TGS1: variants seen among roughly 807,000 people sequenced by gnomAD.
TGS1 encodes the protein trimethylguanosine synthase.
In TGS1, 69 loss-of-function variants were observed where a neutral mutation model predicts 92.2. The ratio of observed to expected loss-of-function variants is 0.75; its 90% CI spans 0.62 to 0.91. The LOEUF (loss-of-function observed/expected upper bound fraction) is 0.91, where lower values mean the gene tolerates loss of function less well. TGS1 is among the 40% of genes least tolerant of loss of function. The pLI, the probability that TGS1 is intolerant of heterozygous loss-of-function variation, is 0.00. For synonymous variants in TGS1, 345 were observed against 338.1 expected (o/e 1.02, Z -0.22); for missense variants, 1,062 against 1,001.2 (o/e 1.06, Z -0.82).
chr8:55,792,833 A>C, intron 6 of TGS1, 49 bp downstream of exon 6: 1 of 1,251,938 alleles, frequency 8.0e-7, no homozygotes. Flanking sequence ...AACCACTTCA[A>C]CTATCTTAGA....
At chr8:55,803,416 T>C (rs1356915323) in intron 9 of TGS1, among the ~76,000 whole-genome samples, 6 of 152,208 alleles carry the variant, frequency 3.9e-5, no homozygotes, top group African/African-American at 1.2e-4. Context: ...TTATTAACTA[T>C]CAAAATCAGA....
intron 3 of TGS1, 71 bp from the exon 4 acceptor site, chr8:55,786,167 T>C: frequency 1.1e-6 from 1 of 910,210 alleles, no homozygotes; most frequent in Non-Finnish European, 1.6e-6. Context: ...AATGTCAAAA[T>C]AGACTTGGAT....
At position 55,773,728 on chromosome 8, in the gene TGS1, A is replaced by G; in HGVS notation, c.101+9A>G. ...TCCAGGGCATTTGTGGAGTAAGTAGAAAAGAGAATCTCTTCATGTTCTAGC... is the reference window on the plus strand; with the variant it reads ...TCCAGGGCATTTGTGGAGTAAGTAGGAAAGAGAATCTCTTCATGTTCTAGC... On this transcript the variant is annotated intron_variant, in intron 1 of 12. Transcript: ENST00000260129. 1 of 1,599,938 alleles carries G rather than the reference A, an allele frequency of 6.3e-7. No homozygotes were observed. Among genetic ancestry groups the G allele is most frequent in the African/African-American group, 1.3e-5 (1 of 74,772 alleles).
At chr8:55,824,319 G>A (rs958971011) in intron 12 of TGS1, among the ~76,000 whole-genome samples, 3 of 152,132 alleles carry the variant, frequency 2.0e-5, no homozygotes, top group African/African-American at 7.2e-5. Context: ...CTTTAGCTAT[G>A]GCATTGGAGA....
chr8:55,786,405 T>C lies in TGS1; in HGVS notation c.507T>C (p.Tyr169=), dbSNP rs139445119. The change falls in exon 4 of 13, where the codon TAT becomes TAC. Residue 169 remains tyrosine, a synonymous_variant. Coordinates refer to ENST00000260129, the MANE Select transcript of TGS1 (RefSeq NM_024831.8). ...SIEQYENTRT[Y]ELQSKKDTET... is the part of the protein sequence containing the mutation. ...AACAGTATGAGAACACCAGAACATA[T>C]GAACTTCAAAGCAAAAAAGATACTG... is the stretch of plus-strand genomic sequence containing the variant. 84 of 1,613,590 alleles carry C rather than the reference T, an allele frequency of 5.2e-5. No individual in the cohort carries two copies. The East Asian group carries it at 7.6e-4, about 15-fold the overall frequency.
At chr8:55,774,618 C>T (rs1811329172) in intron 1 of TGS1, among the ~76,000 whole-genome samples, 1 of 152,040 alleles carries the variant, frequency 6.6e-6, no homozygotes, top group Non-Finnish European at 1.5e-5. Flanking sequence ...GTTTTTTGTG[C>T]TCTTGTATAT....
chr8:55,806,224 C>A (rs560880601), intron 10 of TGS1, among the ~76,000 whole-genome samples: 1 of 149,088 alleles, frequency 6.7e-6, no homozygotes, highest in African/African-American at 2.5e-5. Flanking sequence ...GGCATGGTAG[C>A]GTGTGCCTGT....
At chr8:55,784,347 G>A (rs910548886) in intron 2 of TGS1, among the ~76,000 whole-genome samples, 2 of 152,032 alleles carry the variant, frequency 1.3e-5, no homozygotes, top group African/African-American at 4.8e-5. Context: ...CCAGTTTAGG[G>A]GATTTCAAAC....
Position 55,802,572 on chromosome 8 carries a change from C to T in TGS1, c.1965C>T (p.Phe655=). The change falls in exon 9 of 13, where the codon TTC becomes TTT. Residue 655 remains phenylalanine, a synonymous_variant. Coordinates refer to ENST00000260129, the MANE Select transcript of TGS1 (RefSeq NM_024831.8). ...ACTGGGCCCAGAGGTACAGGCTCTT[C>T]TCCCGTTTTGATGATGGGATTAAGT... ...AKYWAQRYRL[F]SRFDDGIKLD... 1 of 1,613,780 alleles carries T rather than the reference C, an allele frequency of 6.2e-7. No homozygotes were observed. Among genetic ancestry groups the T allele is most frequent in the Admixed American group, 1.7e-5 (1 of 59,952 alleles).
intron 2 of TGS1, among the ~76,000 whole-genome samples, chr8:55,784,055 A>C (rs1811643217): frequency 1.3e-5 from 2 of 152,104 alleles, no homozygotes; most frequent in African/African-American, 4.8e-5. Flanking sequence ...CACACAAGAG[A>C]TTTCTCTTTA....
chr8:55,790,433 G>A (rs139371971), intron 5 of TGS1, 134 bp downstream of exon 5: 2 of 644,880 alleles, frequency 3.1e-6, no homozygotes, highest in African/African-American at 1.8e-5. Flanking sequence ...CTACTGGTAA[G>A]ATTCTGAGCC....
At chr8:55,802,921 C>G (rs535086167) in intron 9 of TGS1, among the ~76,000 whole-genome samples, 2 of 151,952 alleles carry the variant, frequency 1.3e-5, no homozygotes, top group Admixed American at 1.3e-4. Flanking sequence ...ACAGTTTATA[C>G]TCTAATTTCA....
chr8:55,783,010 C>G (rs1585756575), intron 2 of TGS1, among the ~76,000 whole-genome samples, 198 bp downstream of exon 2: 1 of 152,096 alleles, frequency 6.6e-6, no homozygotes, highest in Non-Finnish European at 1.5e-5. Flanking sequence ...TTTTATTTTT[C>G]TATAGCTCCT....
chr8:55,802,907 A>G (rs760629352), intron 9 of TGS1, among the ~76,000 whole-genome samples: 1 of 152,036 alleles, frequency 6.6e-6, no homozygotes, highest in Non-Finnish European at 1.5e-5. Context: ...CAATATTTTA[A>G]TCTACAGTTT....
At position 55,824,975 on chromosome 8, in the gene TGS1, G is replaced by T. The variant is rs1017577568; in HGVS notation, c.*272G>T. 3.3e-6 allele frequency: 1 copy of T among 305,602 alleles called. No homozygotes were observed. Among genetic ancestry groups the T allele is most frequent in the Non-Finnish European group, 6.2e-6 (1 of 162,558 alleles). 18.9% of individuals were successfully genotyped at this position (305,602 alleles called of 1,614,324 possible). ...TCACTTTTACCGCCCAGGCTGGAGT[G>T]CAGTGCCATGATCACAGCTCACTGC... On this transcript the variant is annotated 3_prime_UTR_variant, in exon 13 of 13. Transcript: ENST00000260129.
intron 1 of TGS1, among the ~76,000 whole-genome samples, chr8:55,778,416 A>G (rs766104670): frequency 6.6e-6 from 1 of 152,222 alleles, no homozygotes; most frequent in Non-Finnish European, 1.5e-5. Context: ...TAAGTAGTCT[A>G]AAGTCACTAG....
At chr8:55,790,504 CTT>C (rs34298156) in intron 5 of TGS1, among the ~76,000 whole-genome samples, 304 of 145,172 alleles carry the variant, frequency 2.1e-3, no homozygotes, top group Middle Eastern at 3.6e-3. Context: ...AAGTACATTT[CTT>C]TTTTTTTTTT....
intron 2 of TGS1, among the ~76,000 whole-genome samples, chr8:55,785,164 A>G (rs2130123105): frequency 6.6e-6 from 1 of 151,596 alleles, no homozygotes; most frequent in Non-Finnish European, 1.5e-5. Context: ...TCCCAGGTTC[A>G]AACAATTATC....
chr8:55,777,288 T>C (rs929188704), intron 1 of TGS1, among the ~76,000 whole-genome samples: 1 of 53,866 alleles, frequency 1.9e-5, no homozygotes, highest in Admixed American at 2.0e-4. Flanking sequence ...GGATTACAGG[T>C]GTTTTTTTTT....
Sources: gnomAD v4.1 joint callset for allele counts (sites outside exome capture counted in the v4.1 genomes callset) on GRCh38, gnomAD v4.1.1 for gene constraint, MANE v1.5 for transcripts, NCBI Gene and HGNC (gene_info 2026-07-23, HGNC 2026-07-21) for gene names.